SYT11: variants seen among roughly 807,000 people sequenced by gnomAD.
SYT11 encodes synaptotagmin-11.
Under a neutral mutation model 30.4 loss-of-function variants are expected in SYT11, and 12 were observed. The ratio of observed to expected loss-of-function variants is 0.39; its 90% CI spans 0.25 to 0.64. The LOEUF (loss-of-function observed/expected upper bound fraction) is 0.64, where lower values mean the gene tolerates loss of function less well. Ranked by LOEUF, SYT11 falls within the 30% of genes least tolerant of loss-of-function variation. SYT11 has a pLI of 0.45. For missense variants in SYT11, 412 were observed against 552.0 expected, an observed-to-expected ratio of 0.75 and a Z score of 2.54; for synonymous variants, 204 against 216.0, an observed-to-expected ratio of 0.94 and a Z score of 0.49.
intron 1 of SYT11, 67 bp from the exon 2 acceptor site, chr1:155,867,897 GA>G: frequency 8.3e-7 from 1 of 1,210,908 alleles, no homozygotes; most frequent in Non-Finnish European, 1.2e-6. Flanking sequence ...CAGTGGCAAT[GA>G]GCAGGGGAGA....
rs747833603 is a variant in SYT11 at position 155,868,331 on chromosome 1, G to A, written c.401G>A (p.Ser134Asn). 6.2e-7 allele frequency: 1 copy of A among 1,613,972 alleles called. No homozygotes were observed. The highest frequency in any genetic ancestry group is 2.2e-5 in the East Asian group (1 of 44,868). Residue 134 changes from serine (S) to asparagine (N), a missense_variant, in exon 2 of 4, where the codon AGC becomes AAC. By Grantham distance (46) the Ser-to-Asn change is conservative. Transcript: ENST00000368324. This position sits in a 1 kb window ranked among gnomAD's most constrained non-coding sequence, Gnocchi z 4.7. ...ATGGACTATGGGGAAGAACTAAGGAGCCCTATTACAAGCCTGACCCCTGGG... is the reference window on the plus strand; with the variant it reads ...ATGGACTATGGGGAAGAACTAAGGAACCCTATTACAAGCCTGACCCCTGGG... ...IKMDYGEELRSPITSLTPGES... is the reference protein window; with the variant it reads ...IKMDYGEELRNPITSLTPGES...
At chr1:155,870,678 T>G (rs532944719) in intron 2 of SYT11, among the ~76,000 whole-genome samples, 7 of 152,068 alleles carry the variant, frequency 4.6e-5, no homozygotes, top group Non-Finnish European at 8.8e-5. Flanking sequence ...AGGTGCAGAG[T>G]GTGCAGTGAG....
intron 1 of SYT11, among the ~76,000 whole-genome samples, chr1:155,864,455 A>G (rs939457028): frequency 1.3e-5 from 2 of 152,150 alleles, no homozygotes; most frequent in Non-Finnish European, 2.9e-5. Context: ...TAGGCTTTCT[A>G]GAGAAGATAA....
At chr1:155,875,475 C>T (rs886554370) in intron 2 of SYT11, among the ~76,000 whole-genome samples, 6 of 151,738 alleles carry the variant, frequency 4.0e-5, no homozygotes, top group Non-Finnish European at 8.8e-5. Flanking sequence ...ACAATTTCAG[C>T]TCACTGCAAA....
In SYT11 at chr1:155,868,625, T is replaced by C; in HGVS notation, c.695T>C (p.Ile232Thr). The change falls in exon 2 of 4, where the codon ATC (isoleucine) becomes ACC (threonine). Residue 232 changes from isoleucine (I) to threonine (T), a missense_variant. Coordinates refer to ENST00000368324, the MANE Select transcript of SYT11 (RefSeq NM_152280.5). The surrounding 1 kb of genome is among the most constrained non-coding windows in gnomAD (Gnocchi z 4.7). Reference sequence around the variant, plus strand: ...GACGAGACCTTCACCTTCTATGGCATCCCCTACAGCCAGCTGCAGGACCTG... The same window carrying C: ...GACGAGACCTTCACCTTCTATGGCACCCCCTACAGCCAGCTGCAGGACCTG... Reference protein sequence around the residue: ...VFDETFTFYGIPYSQLQDLVL... With the variant: ...VFDETFTFYGTPYSQLQDLVL... 6.2e-7 allele frequency: 1 copy of C among 1,614,174 alleles called. No individual in the cohort carries two copies. The highest frequency in any genetic ancestry group is 8.5e-7 in the Non-Finnish European group (1 of 1,180,028).
chr1:155,877,460 C>T (rs1307294860), intron 2 of SYT11, among the ~76,000 whole-genome samples: 2 of 151,950 alleles, frequency 1.3e-5, no homozygotes, highest in Non-Finnish European at 2.9e-5. Flanking sequence ...AGTGCAGTGG[C>T]TCAAACACAG....
Position 155,868,680 on chromosome 1 carries a change from C to T in SYT11, c.750C>T (p.Asp250=). Residue 250 remains aspartate (D), a synonymous_variant, in exon 2 of 4, where the codon GAC becomes GAT. Coordinates refer to ENST00000368324, the MANE Select transcript of SYT11 (RefSeq NM_152280.5). The surrounding 1 kb of genome is among the most constrained non-coding windows in gnomAD (Gnocchi z 4.7). ...LVLHFLVLSF[D]RFSRDDVIGE... is the part of the protein sequence containing the mutation. ...TGCACTTCCTTGTCCTCAGCTTTGA[C>T]CGCTTCTCTCGGGATGATGTCATTG... 6.2e-7 allele frequency: 1 copy of T among 1,614,216 alleles called. No homozygotes were observed. The highest frequency in any genetic ancestry group is 1.1e-5 in the South Asian group (1 of 91,084).
intron 1 of SYT11, 133 bp downstream of exon 1, chr1:155,859,928 T>TGGTGGTGGGTAGTG: frequency 1.1e-6 from 1 of 873,390 alleles, no homozygotes; most frequent in Non-Finnish European, 1.9e-6. Flanking sequence ...ATCGGGCCTG[T>TGGTGGTGGGTAGTG]GGTGGTGGGT....
chr1:155,868,485 A>G lies in SYT11; in HGVS notation c.555A>G (p.Pro185=). 6.2e-7 allele frequency: 1 copy of G among 1,614,170 alleles called. No individual in the cohort carries two copies. The highest frequency in any genetic ancestry group is 8.5e-7 in the Non-Finnish European group (1 of 1,180,014). The change falls in exon 2 of 4, where the codon CCA becomes CCG. Residue 185 remains proline (P), a synonymous_variant. Coordinates refer to ENST00000368324, the MANE Select transcript of SYT11 (RefSeq NM_152280.5). The surrounding 1 kb of genome is among the most constrained non-coding windows in gnomAD (Gnocchi z 4.7). ...CAATCCAGGAGGCCCATGGGCTGCC[A>G]GTGATGGATGACCAGACCCAGGGAT... The part of the protein sequence containing the change: ...VVTIQEAHGL[P]VMDDQTQGSD...
At position 155,859,739 on chromosome 1, in the gene SYT11, T is replaced by G; in HGVS notation, c.-23T>G. ...CTGTCTCACCATTGCAAAAACGTTA[T>G]AGCAACAGCCTCTGATTACGACATG... On this transcript the variant is annotated 5_prime_UTR_variant, in exon 1 of 4. Transcript: ENST00000368324. 1 of 1,613,558 alleles carries G rather than the reference T, an allele frequency of 6.2e-7. No homozygotes were observed. The highest frequency in any genetic ancestry group is 8.5e-7 in the Non-Finnish European group (1 of 1,179,508).
intron 1 of SYT11, among the ~76,000 whole-genome samples, chr1:155,865,698 T>A (rs1672661581): frequency 6.6e-6 from 1 of 150,686 alleles, no homozygotes; most frequent in Non-Finnish European, 1.5e-5. Flanking sequence ...TTCCTTTTCT[T>A]TTTTTTCCTC....
intron 1 of SYT11, among the ~76,000 whole-genome samples, chr1:155,865,884 G>T (rs1672664325): frequency 6.6e-6 from 1 of 151,766 alleles, no homozygotes; most frequent in Non-Finnish European, 1.5e-5. Context: ...GTTTTGCCAT[G>T]TTGCCCAGGC....
chr1:155,870,384 G>A (rs1672762696), intron 2 of SYT11, among the ~76,000 whole-genome samples: 1 of 152,150 alleles, frequency 6.6e-6, no homozygotes, highest in South Asian at 2.1e-4. Flanking sequence ...TACTATTATT[G>A]TTATTCCTAT....
At chr1:155,864,468 C>G (rs4971106) in intron 1 of SYT11, among the ~76,000 whole-genome samples, 9,899 of 151,980 alleles carry the variant, frequency 0.065, 395 homozygotes, top group African/African-American at 0.11. Flanking sequence ...GAAGATAAAC[C>G]CTTCATCTAG....
rs1245542156 is a variant in SYT11, at chr1:155,865,628, C to CA, written c.35-2322dup. 4.5e-3 allele frequency among the ~76,000 whole-genome samples: 471 copies of CA among 105,334 alleles called. 4 individuals carry two copies. Among genetic ancestry groups the CA allele is most frequent in the African/African-American group, 9.8e-3 (278 of 28,320 alleles). 69.1% of individuals were successfully genotyped at this position (105,334 alleles called of 152,430 possible). ...GGGCAACAAGAGCAAAACTCTGTCT[C>CA]AAAAAAAAAAAAAAAGAATATTCCA... On this transcript the variant is annotated intron_variant, in intron 1 of 3. Coordinates refer to ENST00000368324, the MANE Select transcript of SYT11 (RefSeq NM_152280.5).
Position 155,881,326 on chromosome 1 carries a change from C to T in SYT11, c.1114C>T (p.Leu372=), listed in dbSNP as rs868677046. 6.2e-7 allele frequency: 1 copy of T among 1,614,224 alleles called. No homozygotes were observed. Among genetic ancestry groups the T allele is most frequent in the South Asian group, 1.1e-5 (1 of 91,086 alleles). Residue 372 remains leucine (L), a synonymous_variant, in exon 4 of 4, where the codon CTG becomes TTG. Transcript: ENST00000368324. The part of the protein sequence containing the change: ...SFIYDIPTDL[L]PDISIEFLVI... ...CATCTACGACATCCCCACTGACCTC[C>T]TGCCTGATATCAGCATCGAGTTCCT...
At chr1:155,861,220 A>AT (rs983148458) in intron 1 of SYT11, among the ~76,000 whole-genome samples, 3 of 152,112 alleles carry the variant, frequency 2.0e-5, no homozygotes, top group African/African-American at 7.2e-5. Flanking sequence ...TCTTGATGGT[A>AT]TTTTTTCTTC....
In SYT11 at chr1:155,859,599, G is replaced by T. The variant is rs1672513744; in HGVS notation, c.-163G>T. On this transcript the variant is annotated 5_prime_UTR_variant, in exon 1 of 4. Coordinates refer to ENST00000368324, the MANE Select transcript of SYT11 (RefSeq NM_152280.5). The stretch of plus-strand genomic sequence containing the variant: ...CCCCGGAGCATCTTAAGAGCTGAGC[G>T]CAGCTGACAACTAGGGGCCGGACCG... The T allele has an allele frequency of 1.4e-6, 1 of 697,560 alleles. No individual in the cohort carries two copies. The highest frequency in any genetic ancestry group is 1.8e-5 in the African/African-American group (1 of 56,850). The allele number at this position is 697,560 out of a possible 1,614,324, so 43.2% of individuals were successfully genotyped here. A position where few individuals can be genotyped will look rare whatever the true frequency, so the allele number is the denominator to read the frequency against.
rs1464848789 is a variant in SYT11 at position 155,883,820 on chromosome 1, A to C, written c.*2312A>C. ...TTTAAAACCATTCTGCTCCCCCTAA[A>C]CCTTTTGTTTGATTTCAGCCCATGT... On this transcript the variant is annotated 3_prime_UTR_variant, in exon 4 of 4. Coordinates refer to ENST00000368324, the MANE Select transcript of SYT11 (RefSeq NM_152280.5). 1 of 151,830 alleles carries C rather than the reference A, an allele frequency of 6.6e-6. No homozygotes were observed. The highest frequency in any genetic ancestry group is 1.5e-5 in the Non-Finnish European group (1 of 67,968). 9.4% of individuals were successfully genotyped at this position (151,830 alleles called of 1,614,324 possible).
Sources: allele counts gnomAD v4.1 joint callset (sites outside exome capture counted in the v4.1 genomes callset), GRCh38; gene constraint gnomAD v4.1.1; non-coding constraint Gnocchi (gnomAD v3.1); transcripts MANE v1.5; gene names NCBI Gene and HGNC (gene_info 2026-07-23, HGNC 2026-07-21).